The following SYT1 variants were observed in gnomAD, a reference collection of about 807,000 sequenced individuals.
The protein encoded by SYT1 is synaptotagmin 1.
In SYT1, 8 loss-of-function variants were observed where a neutral mutation model predicts 44.8. That is an observed-to-expected ratio of 0.18 (90% CI 0.10 to 0.32). The LOEUF (loss-of-function observed/expected upper bound fraction) is 0.32. Among genes scored for constraint, SYT1 ranks in the 10% least tolerant of loss-of-function variants. The pLI, the probability that SYT1 is intolerant of heterozygous loss-of-function variation, is 1.00. For synonymous variants in SYT1, 154 were observed against 188.8 expected (o/e 0.82, Z 1.51); for missense variants, 286 against 509.3 (o/e 0.56, Z 4.22).
chr12:79,200,171 T>G (rs527650778), intron 3 of SYT1, among the ~76,000 whole-genome samples: 1 of 152,072 alleles, frequency 6.6e-6, no homozygotes, highest in South Asian at 2.1e-4. Context: ...AATCAGAAAT[T>G]CTGAACCGTT....
intron 9 of SYT1, among the ~76,000 whole-genome samples, chr12:79,389,646 C>G (rs1037112397): frequency 1.3e-5 from 2 of 152,128 alleles, no homozygotes; most frequent in Non-Finnish European, 2.9e-5. Context: ...TATTTTTATA[C>G]CACCACCTAC....
intron 3 of SYT1, among the ~76,000 whole-genome samples, chr12:79,141,683 A>G (rs904256723): frequency 6.6e-6 from 1 of 152,236 alleles, no homozygotes; most frequent in Admixed American, 6.5e-5. Context: ...ATGAAAAACA[A>G]GATGATATCT....
intron 3 of SYT1, among the ~76,000 whole-genome samples, chr12:79,214,793 T>A (rs894355206): frequency 1.3e-5 from 2 of 152,216 alleles, no homozygotes; most frequent in Non-Finnish European, 2.9e-5. Context: ...CTCAATCATT[T>A]CCTTTAAATT....
At chr12:79,365,525 C>T (rs749416516) in intron 9 of SYT1, among the ~76,000 whole-genome samples, 13 of 151,908 alleles carry the variant, frequency 8.6e-5, no homozygotes, top group South Asian at 2.1e-4. Context: ...GAGTAACACA[C>T]GAAAAGAAAG....
intron 1 of SYT1, among the ~76,000 whole-genome samples, chr12:78,905,438 AT>A (rs1374120031): frequency 6.6e-6 from 1 of 152,118 alleles, no homozygotes; most frequent in Non-Finnish European, 1.5e-5. Context: ...CCCGGTGGTA[AT>A]TGAAGGAAAA....
At chr12:79,402,886 G>C (rs1885119259) in intron 9 of SYT1, among the ~76,000 whole-genome samples, 1 of 152,160 alleles carries the variant, frequency 6.6e-6, no homozygotes, top group African/African-American at 2.4e-5. Flanking sequence ...CAGATTAACA[G>C]TTACATACTG....
intron 2 of SYT1, among the ~76,000 whole-genome samples, chr12:79,031,616 AT>A (rs1872836251): frequency 6.6e-6 from 1 of 151,212 alleles, no homozygotes; most frequent in African/African-American, 2.4e-5. Flanking sequence ...TAACTTTCAT[AT>A]TAAACACATC....
intron 3 of SYT1, among the ~76,000 whole-genome samples, chr12:79,132,603 G>A (rs1409760108): frequency 6.8e-6 from 1 of 147,468 alleles, no homozygotes; most frequent in African/African-American, 2.5e-5. Context: ...GTGAGGATGT[G>A]GAACTCTCAT....
chr12:78,946,300 A>T (rs1168847807), intron 1 of SYT1, among the ~76,000 whole-genome samples: 1 of 152,188 alleles, frequency 6.6e-6, no homozygotes. Flanking sequence ...AGCAGGAAAC[A>T]AGAAAGACAA....
intron 1 of SYT1, among the ~76,000 whole-genome samples, chr12:78,957,763 G>A (rs1253438824): frequency 2.0e-5 from 3 of 151,878 alleles, no homozygotes. Context: ...TTTAAACCTG[G>A]AGATCTTAAT....
chr12:79,254,926 GC>G (rs150733555), intron 4 of SYT1, among the ~76,000 whole-genome samples: 2,066 of 152,360 alleles, frequency 0.014, 23 homozygotes, highest in Non-Finnish European at 0.022. Flanking sequence ...TTATGGATGA[GC>G]AAAGAAAGTG....
intron 3 of SYT1, among the ~76,000 whole-genome samples, chr12:79,144,751 A>G (rs1020010053): frequency 1.3e-5 from 2 of 152,210 alleles, no homozygotes; most frequent in Admixed American, 1.3e-4. Flanking sequence ...ATAAGCTTTC[A>G]CTTTAAATTA....
rs116556709 is a variant in SYT1 at position 79,117,431 on chromosome 12, A to G, written c.-18+70069A>G. ...GGAGCAACCAACTCCACAGTGGATG[A>G]CTGCTGACTGCAGTTCCACACCATC... On this transcript the variant is annotated intron_variant, in intron 3 of 10. Coordinates refer to ENST00000261205, the MANE Select transcript of SYT1 (RefSeq NM_005639.3). Among the ~76,000 whole-genome samples, 791 of 151,810 alleles carry G rather than the reference A, an allele frequency of 5.2e-3. 10 individuals are homozygous for G. Among genetic ancestry groups the G allele is most frequent in the Middle Eastern group, 0.017 (5 of 294 alleles).
chr12:78,970,620 T>A (rs1430835304), intron 1 of SYT1, among the ~76,000 whole-genome samples: 1 of 152,194 alleles, frequency 6.6e-6, no homozygotes, highest in Non-Finnish European at 1.5e-5. Context: ...GAGAAAAGTA[T>A]GTAATTGTTA....
At chr12:79,038,216 T>C (rs1478657507) in intron 2 of SYT1, among the ~76,000 whole-genome samples, 2 of 150,604 alleles carry the variant, frequency 1.3e-5, no homozygotes, top group African/African-American at 2.4e-5. Flanking sequence ...TATACACACA[T>C]ATATATATAC....
intron 1 of SYT1, among the ~76,000 whole-genome samples, chr12:78,871,740 T>C (rs779691931): frequency 2.0e-5 from 3 of 151,874 alleles, no homozygotes; most frequent in Admixed American, 6.6e-5. Context: ...GTTTCTGACT[T>C]GGAGTGTCTG....
chr12:79,094,543 A>G (rs76490255), intron 3 of SYT1, among the ~76,000 whole-genome samples: 3,495 of 152,014 alleles, frequency 0.023, 118 homozygotes, highest in South Asian at 0.11. Flanking sequence ...TATAGTTTTT[A>G]TTGTAAAACT....
At chr12:78,953,051 C>T (rs1041696155) in intron 1 of SYT1, among the ~76,000 whole-genome samples, 1 of 152,008 alleles carries the variant, frequency 6.6e-6, no homozygotes, top group Admixed American at 6.6e-5. Flanking sequence ...CCCATAGGCT[C>T]CTTGGAAGCA....
At chr12:79,316,295 G>A (rs1429937022) in intron 8 of SYT1, among the ~76,000 whole-genome samples, 1 of 152,194 alleles carries the variant, frequency 6.6e-6, no homozygotes, top group Non-Finnish European at 1.5e-5. Context: ...TTCAGCTCAA[G>A]ATGATGTTTA....
Sources: allele counts gnomAD v4.1 joint callset (sites outside exome capture counted in the v4.1 genomes callset), GRCh38; gene constraint gnomAD v4.1.1; transcripts MANE v1.5; gene names NCBI Gene and HGNC (gene_info 2026-07-23, HGNC 2026-07-21).